The following MAP2K6 variants were observed in gnomAD, a reference collection of about 807,000 sequenced individuals.
The protein encoded by MAP2K6 is dual specificity mitogen-activated protein kinase kinase 6.
MAP2K6 carries 16 observed loss-of-function variants against 53.7 expected under a neutral mutation model. That is an observed-to-expected ratio of 0.30 (90% confidence interval 0.20 to 0.45). MAP2K6 has a LOEUF of 0.45. Among genes scored for constraint, MAP2K6 ranks in the 20% least tolerant of loss-of-function variants. The pLI is 1.00. For missense variants in MAP2K6, 204 were observed against 411.9 expected (o/e 0.50, Z 4.37); for synonymous variants, 132 against 143.1 (o/e 0.92, Z 0.55).
At chr17:69,442,001 G>C (rs1358722258) in intron 1 of MAP2K6, among the ~76,000 whole-genome samples, 2 of 152,076 alleles carry the variant, frequency 1.3e-5, no homozygotes, top group South Asian at 4.1e-4. Flanking sequence ...GGGTGGTTTT[G>C]CTACCACTGA....
At chr17:69,497,107 C>T (rs1464178115) in intron 1 of MAP2K6, among the ~76,000 whole-genome samples, 1 of 152,172 alleles carries the variant, frequency 6.6e-6, no homozygotes, top group Non-Finnish European at 1.5e-5. Context: ...TATTTGTGAG[C>T]CAGATTGCTG....
chr17:69,489,874 C>A (rs1371958006), intron 1 of MAP2K6, among the ~76,000 whole-genome samples: 4 of 152,198 alleles, frequency 2.6e-5, no homozygotes, highest in Admixed American at 6.5e-5. Flanking sequence ...TGTAGCCGAA[C>A]AAAAGGCAAA....
At chr17:69,540,463 C>T (rs1911560479) in intron 11 of MAP2K6, among the ~76,000 whole-genome samples, 1 of 152,176 alleles carries the variant, frequency 6.6e-6, no homozygotes, top group Non-Finnish European at 1.5e-5. Flanking sequence ...AGAACTGTGG[C>T]TCATGACCTG....
intron 1 of MAP2K6, among the ~76,000 whole-genome samples, chr17:69,468,944 A>C (rs1456093555): frequency 6.6e-6 from 1 of 152,244 alleles, no homozygotes; most frequent in Non-Finnish European, 1.5e-5. Context: ...GAACACTAGA[A>C]GAGAGTGATT....
intron 1 of MAP2K6, among the ~76,000 whole-genome samples, chr17:69,500,447 C>CAGAA (rs1909112355): frequency 1.7e-5 from 1 of 57,626 alleles, no homozygotes; most frequent in Non-Finnish European, 3.1e-5. Context: ...GACTCTGTCT[C>CAGAA]AAAAAAAAAA....
chr17:69,431,400 G>A (rs1032377547), intron 1 of MAP2K6, among the ~76,000 whole-genome samples: 2 of 151,900 alleles, frequency 1.3e-5, no homozygotes, highest in South Asian at 2.1e-4. Flanking sequence ...GATAGCTTAA[G>A]TTATCAAATA....
At chr17:69,441,308 T>C (rs746949127) in intron 1 of MAP2K6, among the ~76,000 whole-genome samples, 2 of 152,110 alleles carry the variant, frequency 1.3e-5, no homozygotes, top group Non-Finnish European at 2.9e-5. Flanking sequence ...TCCCTGAAGA[T>C]TTTTTTTCAG....
At chr17:69,522,607 G>A (rs1910536420) in intron 7 of MAP2K6, among the ~76,000 whole-genome samples, 1 of 152,028 alleles carries the variant, frequency 6.6e-6, no homozygotes, top group Non-Finnish European at 1.5e-5. Context: ...ATATGGGCGG[G>A]TGGGTTAAAT....
In MAP2K6 at chr17:69,494,268, C is replaced by T. The variant is rs780050439; in HGVS notation, c.17-11512C>T. On this transcript the variant is annotated intron_variant, in intron 1 of 11. Transcript: ENST00000590474. The surrounding 1 kb of genome is among the most constrained non-coding windows in gnomAD (Gnocchi z 4.2). ...ATCCCAGCATGTTGGGAGGCCAAGG[C>T]GGGCAGATCACCTGAGGCCGAGAGT... Among the ~76,000 whole-genome samples, 45 of 152,132 alleles carry T rather than the reference C, an allele frequency of 3.0e-4. 1 individual carries two copies. The highest frequency in any genetic ancestry group is 2.7e-3 in the South Asian group (13 of 4,820).
At chr17:69,532,953 C>G (rs1192605679) in intron 10 of MAP2K6, among the ~76,000 whole-genome samples, 1 of 151,704 alleles carries the variant, frequency 6.6e-6, no homozygotes, top group East Asian at 1.9e-4. Flanking sequence ...TTTTTTGATA[C>G]AGTCTCACCC....
intron 1 of MAP2K6, among the ~76,000 whole-genome samples, chr17:69,416,986 A>G (rs375636362): frequency 8.5e-5 from 13 of 152,338 alleles, no homozygotes; most frequent in East Asian, 5.8e-4. Context: ...ACTCTTCCCT[A>G]TGGATGTGTT....
intron 10 of MAP2K6, 129 bp downstream of exon 10, chr17:69,526,838 T>G: frequency 8.9e-7 from 1 of 1,125,758 alleles, no homozygotes; most frequent in Admixed American, 2.8e-5. Flanking sequence ...ATGCCCTCTC[T>G]GCTGGAGAAG....
intron 1 of MAP2K6, among the ~76,000 whole-genome samples, chr17:69,491,027 A>C (rs1369067900): frequency 1.3e-5 from 2 of 152,100 alleles, no homozygotes; most frequent in South Asian, 4.1e-4. Context: ...AGCTCCACCC[A>C]TATTCCTGCA....
rs1037842309 is a variant in MAP2K6 at position 69,544,775 on chromosome 17, G to A, written c.*3022G>A. 3 of 152,082 alleles carry A rather than the reference G, an allele frequency of 2.0e-5. No individual in the cohort carries two copies. Among genetic ancestry groups the A allele is most frequent in the African/African-American group, 4.8e-5 (2 of 41,408 alleles). 9.4% of individuals were successfully genotyped at this position (152,082 alleles called of 1,614,324 possible). A position where few individuals can be genotyped will look rare whatever the true frequency, so the allele number is the denominator to read the frequency against. On this transcript the variant is annotated 3_prime_UTR_variant, in exon 12 of 12. Coordinates refer to ENST00000590474, the MANE Select transcript of MAP2K6 (RefSeq NM_002758.4). ...TAAGACTATTACCCTATGTTTGTAC[G>A]TATGAGTGAATATTGCCCACCAGAG...
chr17:69,460,665 A>C (rs549790218), intron 1 of MAP2K6, among the ~76,000 whole-genome samples: 1 of 152,220 alleles, frequency 6.6e-6, no homozygotes, highest in African/African-American at 2.4e-5. Flanking sequence ...CAGTGGCATG[A>C]TCATGGCTCA....
At chr17:69,520,019 A>T (rs1010671741) in intron 5 of MAP2K6, 8 of 426,954 alleles carry the variant, frequency 1.9e-5, no homozygotes, top group Non-Finnish European at 2.9e-5. Flanking sequence ...TAGTAATTAG[A>T]TTCCATTTTT....
At chr17:69,506,361 A>G (rs1909469812) in intron 2 of MAP2K6, among the ~76,000 whole-genome samples, 1 of 151,988 alleles carries the variant, frequency 6.6e-6, no homozygotes, top group Admixed American at 6.6e-5. Flanking sequence ...GTCCTAGTGA[A>G]GGACATCGTG....
In MAP2K6 at chr17:69,549,379, CAG is replaced by C. The variant is rs1912003935; in HGVS notation, c.*7628_*7629del. 6.6e-6 allele frequency: 1 copy of C among 152,152 alleles called. No individual in the cohort carries two copies. Among genetic ancestry groups the C allele is most frequent in the Admixed American group, 6.6e-5 (1 of 15,266 alleles). 9.4% of individuals were successfully genotyped at this position (152,152 alleles called of 1,614,324 possible). A position where few individuals can be genotyped will look rare whatever the true frequency, so the allele number is the denominator to read the frequency against. The stretch of plus-strand genomic sequence containing the variant: ...CTTACTTGTGTCTTAATGTGGGAAA[CAG>C]AACTTTCTAAGTAATCTCTGGAGTT... On this transcript the variant is annotated 3_prime_UTR_variant, in exon 12 of 12. Transcript: ENST00000590474.
At chr17:69,498,988 C>T (rs1909050805) in intron 1 of MAP2K6, among the ~76,000 whole-genome samples, 1 of 152,070 alleles carries the variant, frequency 6.6e-6, no homozygotes, top group South Asian at 2.1e-4. Flanking sequence ...GTATTAGACA[C>T]CGTGTTAAGA....
Sources: gnomAD v4.1 joint callset for allele counts (sites outside exome capture counted in the v4.1 genomes callset) on GRCh38, gnomAD v4.1.1 for gene constraint, Gnocchi (gnomAD v3.1) non-coding constraint, MANE v1.5 for transcripts, NCBI Gene and HGNC (gene_info 2026-07-23, HGNC 2026-07-21) for gene names.